The following SUGCT variants were observed in gnomAD, a reference collection of about 807,000 sequenced individuals.
SUGCT encodes the protein succinyl-CoA:glutarate-CoA transferase, also known as succinyl-CoA:glutarate CoA-transferase.
SUGCT carries 41 observed loss-of-function variants against 55.0 expected under a neutral mutation model. The ratio of observed to expected loss-of-function variants is 0.74; its 90% CI spans 0.58 to 0.97. The LOEUF is 0.97. Ranked by LOEUF, SUGCT falls within the 50% of genes least tolerant of loss-of-function variation. SUGCT has a pLI of 0.00. For missense variants in SUGCT, 568 were observed against 547.8 expected (o/e 1.04, Z -0.37); for synonymous variants, 187 against 200.4 (o/e 0.93, Z 0.56).
intron 1 of SUGCT, among the ~76,000 whole-genome samples, chr7:40,164,906 A>G (rs1584233286): frequency 2.0e-5 from 3 of 152,240 alleles, no homozygotes; most frequent in African/African-American, 7.2e-5. Flanking sequence ...CTCCCAAATT[A>G]TTATTTCCCT....
At chr7:40,961,430 T>C in the SUGCT span, among the ~76,000 whole-genome samples, 1 of 152,196 alleles carries the variant, frequency 6.6e-6, no homozygotes, top group South Asian at 2.1e-4. Flanking sequence ...TTTCTTATTC[T>C]TCTCTTTTGT....
chr7:40,371,323 G>A (rs754106654), intron 9 of SUGCT, among the ~76,000 whole-genome samples: 9 of 151,900 alleles, frequency 5.9e-5, no homozygotes, highest in Non-Finnish European at 1.0e-4. Context: ...TTTGTGTTTT[G>A]TTTGTTTGTT....
At chr7:40,407,766 G>T (rs1413032664) in intron 9 of SUGCT, among the ~76,000 whole-genome samples, 2 of 151,864 alleles carry the variant, frequency 1.3e-5, no homozygotes, top group African/African-American at 4.8e-5. Context: ...ACATAGACTA[G>T]AAGAAAATTT....
At chr7:40,242,326 A>G (rs1789461809) in intron 7 of SUGCT, among the ~76,000 whole-genome samples, 1 of 151,946 alleles carries the variant, frequency 6.6e-6, no homozygotes, top group South Asian at 2.1e-4. Flanking sequence ...GGCATGTGCC[A>G]CCATGCCTGG....
the SUGCT span, among the ~76,000 whole-genome samples, chr7:40,913,050 C>T: frequency 1.5e-5 from 2 of 133,930 alleles, no homozygotes; most frequent in Admixed American, 1.7e-4. Flanking sequence ...CTCCCTCTGT[C>T]GCTGGCCTGG....
chr7:40,645,702 C>T (rs1562922828), intron 12 of SUGCT, among the ~76,000 whole-genome samples: 3 of 152,098 alleles, frequency 2.0e-5, no homozygotes, highest in Non-Finnish European at 4.4e-5. Context: ...ATCTCTAGGT[C>T]ATATCAGTCT....
At chr7:40,146,822 A>T (rs1347539441) in intron 1 of SUGCT, among the ~76,000 whole-genome samples, 1 of 152,224 alleles carries the variant, frequency 6.6e-6, no homozygotes, top group Non-Finnish European at 1.5e-5. Flanking sequence ...TGTTCCCAAC[A>T]GACAACAAGG....
chr7:40,980,424 C>T, the SUGCT span, among the ~76,000 whole-genome samples: 3 of 152,222 alleles, frequency 2.0e-5, no homozygotes, highest in African/African-American at 2.4e-5. Context: ...CCCCAATAGC[C>T]GCAAAAGTCT....
At chr7:40,403,393 G>T (rs1786188555) in intron 9 of SUGCT, among the ~76,000 whole-genome samples, 1 of 152,140 alleles carries the variant, frequency 6.6e-6, no homozygotes, top group Admixed American at 6.6e-5. Context: ...TTTGATTAGG[G>T]TACAATTTAT....
intron 12 of SUGCT, among the ~76,000 whole-genome samples, chr7:40,497,776 T>C (rs1792064578): frequency 6.6e-6 from 1 of 151,944 alleles, no homozygotes. Flanking sequence ...TTCCTAAGAG[T>C]TTTTCCATCA....
At chr7:40,941,809 T>C in the SUGCT span, among the ~76,000 whole-genome samples, 3 of 152,286 alleles carry the variant, frequency 2.0e-5, 1 homozygote, top group South Asian at 6.2e-4. Flanking sequence ...GATCCTCTTA[T>C]TGTTATATAA....
intron 12 of SUGCT, among the ~76,000 whole-genome samples, chr7:40,735,929 C>A (rs565600359): frequency 6.6e-6 from 1 of 151,872 alleles, no homozygotes; most frequent in Non-Finnish European, 1.5e-5. Flanking sequence ...TAATGTGGTT[C>A]TATTTCAGAG....
At chr7:40,753,971 C>T (rs1033514842) in intron 13 of SUGCT, among the ~76,000 whole-genome samples, 9 of 152,108 alleles carry the variant, frequency 5.9e-5, no homozygotes, top group Admixed American at 1.3e-4. Context: ...TGCAAATACT[C>T]CCTTTCATAT....
At chr7:40,580,151 G>A (rs1294843770) in intron 12 of SUGCT, among the ~76,000 whole-genome samples, 1 of 152,120 alleles carries the variant, frequency 6.6e-6, no homozygotes, top group African/African-American at 2.4e-5. Context: ...AATCCATTAC[G>A]TGAGTGAAAC....
chr7:40,157,055 G>A (rs1417325982), intron 1 of SUGCT, among the ~76,000 whole-genome samples: 1 of 151,518 alleles, frequency 6.6e-6, no homozygotes, highest in South Asian at 2.1e-4. Context: ...TTTCTGCATG[G>A]TCAGGGCTTT....
At chr7:40,434,610 A>C (rs948279965) in intron 9 of SUGCT, among the ~76,000 whole-genome samples, 2 of 152,190 alleles carry the variant, frequency 1.3e-5, no homozygotes, top group African/African-American at 2.4e-5. Context: ...CTTATCATAT[A>C]GTTCTTTCTA....
chr7:40,993,397 G>A, the SUGCT span, among the ~76,000 whole-genome samples: 1 of 152,178 alleles, frequency 6.6e-6, no homozygotes, highest in African/African-American at 2.4e-5. Flanking sequence ...AGAGCTGAAT[G>A]CGAGAGGCTT....
intron 12 of SUGCT, among the ~76,000 whole-genome samples, chr7:40,575,125 T>TGGGGGTGGGGGGGGGGG (rs1796666470): frequency 7.3e-6 from 1 of 136,960 alleles, no homozygotes; most frequent in African/African-American, 3.2e-5. Flanking sequence ...GTGGCGGGGG[T>TGGGGGTGGGGGGGGGGG]GGGGGTGGAG....
At chr7:40,657,567 C>T (rs887151764) in intron 12 of SUGCT, among the ~76,000 whole-genome samples, 1 of 151,812 alleles carries the variant, frequency 6.6e-6, no homozygotes, top group African/African-American at 2.4e-5. Context: ...GTGGCGCAAT[C>T]TCTGTCGCCC....
Sources: allele counts gnomAD v4.1 joint callset (sites outside exome capture counted in the v4.1 genomes callset), GRCh38; gene constraint gnomAD v4.1.1; transcripts MANE v1.5; gene names NCBI Gene and HGNC (gene_info 2026-07-23, HGNC 2026-07-21).